Variants in PLCB1 observed in about 807,000 individuals in gnomAD.
The protein encoded by PLCB1 is 1-phosphatidylinositol 4,5-bisphosphate phosphodiesterase beta-1.
In PLCB1, 46 loss-of-function variants were observed where a neutral mutation model predicts 161.8. The observed-to-expected ratio is 0.28, with a 90% CI of 0.22 to 0.36. The LOEUF (loss-of-function observed/expected upper bound fraction) is 0.36, where lower values mean the gene tolerates loss of function less well. Among genes scored for constraint, PLCB1 ranks in the 10% least tolerant of loss-of-function variants. PLCB1 has a pLI of 1.00. For missense variants in PLCB1, 1,016 were observed against 1,472.5 expected (o/e 0.69, Z 5.07); for synonymous variants, 517 against 503.7 (o/e 1.03, Z -0.35).
chr20:8,186,104 G>A (rs6055614), intron 2 of PLCB1, among the ~76,000 whole-genome samples: 58,036 of 151,856 alleles, frequency 0.38, 12,672 homozygotes, highest in African/African-American at 0.61. Context: ...TTTTTTTTGA[G>A]GTGGAAAAGG....
intron 31 of PLCB1, chr20:8,831,467 TATTA>T (rs1985977050): frequency 1.3e-5 from 2 of 152,218 alleles, no homozygotes; most frequent in Non-Finnish European, 2.9e-5. Flanking sequence ...TATTTTACTG[TATTA>T]ATTGATTAAT....
chr20:8,786,959 C>T (rs933830801), intron 27 of PLCB1, among the ~76,000 whole-genome samples: 3 of 152,106 alleles, frequency 2.0e-5, no homozygotes, highest in African/African-American at 7.2e-5. Context: ...CCTGCCTCGG[C>T]CTCCCAAAGT....
chr20:8,873,106 C>T (rs914807274), intron 31 of PLCB1, among the ~76,000 whole-genome samples: 4 of 152,108 alleles, frequency 2.6e-5, no homozygotes, highest in African/African-American at 9.7e-5. Flanking sequence ...TCTAAGGAAA[C>T]TTAGTGGAAA....
chr20:8,235,942 G>A (rs1052180255), intron 2 of PLCB1, among the ~76,000 whole-genome samples: 1 of 152,052 alleles, frequency 6.6e-6, no homozygotes, highest in African/African-American at 2.4e-5. Context: ...GCAATCCAAA[G>A]TAGTTTTAAA....
At chr20:8,170,719 G>A (rs1373873345) in intron 2 of PLCB1, among the ~76,000 whole-genome samples, 2 of 152,100 alleles carry the variant, frequency 1.3e-5, no homozygotes, top group African/African-American at 2.4e-5. Flanking sequence ...AGAAAAGACT[G>A]AGCCTAGGAA....
intron 3 of PLCB1, among the ~76,000 whole-genome samples, chr20:8,583,783 T>C (rs1332711508): frequency 6.6e-6 from 1 of 152,230 alleles, no homozygotes; most frequent in African/African-American, 2.4e-5. Context: ...AAAATTCCAG[T>C]GTATTAGCAT....
At chr20:8,328,379 G>T (rs1985236786) in intron 2 of PLCB1, among the ~76,000 whole-genome samples, 1 of 152,140 alleles carries the variant, frequency 6.6e-6, no homozygotes, top group South Asian at 2.1e-4. Flanking sequence ...GGAGGCAGAT[G>T]CTGGAGTTGC....
rs112985542 is a variant in PLCB1 at position 8,820,647 on chromosome 20, A to C, written c.3423+30386A>C. 1.8e-3 allele frequency among the ~76,000 whole-genome samples: 280 copies of C among 152,324 alleles called. 1 individual carries two copies. Among genetic ancestry groups the C allele is most frequent in the Non-Finnish European group, 2.0e-3 (137 of 68,018 alleles). On this transcript the variant is annotated intron_variant, in intron 31 of 31. Transcript: ENST00000338037. The stretch of plus-strand genomic sequence containing the variant: ...ATCAAGGTAGAAACTCCCTAGAGAA[A>C]TTGTAGCATATGTGTATCAGGAGCG...
chr20:8,631,334 C>T (rs1272765180), intron 4 of PLCB1, among the ~76,000 whole-genome samples: 1 of 152,142 alleles, frequency 6.6e-6, no homozygotes, highest in Non-Finnish European at 1.5e-5. Context: ...CTAAAAGGAG[C>T]TGCAAAATCC....
At chr20:8,233,526 A>G (rs1178559068) in intron 2 of PLCB1, among the ~76,000 whole-genome samples, 1 of 152,136 alleles carries the variant, frequency 6.6e-6, no homozygotes, top group African/African-American at 2.4e-5. Context: ...TAAGTTGATT[A>G]TTTTTTTCTT....
intron 31 of PLCB1, among the ~76,000 whole-genome samples, chr20:8,878,081 G>T (rs748114348): frequency 7.2e-5 from 11 of 152,062 alleles, no homozygotes; most frequent in Non-Finnish European, 2.9e-5. Context: ...TACTTCTTTT[G>T]TTAATAATTA....
intron 11 of PLCB1, among the ~76,000 whole-genome samples, chr20:8,701,058 T>A (rs1186215473): frequency 6.6e-6 from 1 of 152,184 alleles, no homozygotes; most frequent in Non-Finnish European, 1.5e-5. Context: ...CACTAGAGAG[T>A]GAGTGTCTCT....
chr20:8,525,107 CT>C (rs1037484716), intron 3 of PLCB1, among the ~76,000 whole-genome samples: 55 of 152,068 alleles, frequency 3.6e-4, no homozygotes, highest in African/African-American at 1.2e-3. Context: ...TTTACAAAGC[CT>C]TCCAATGTCC....
At chr20:8,738,471 T>A (rs1475699528) in intron 20 of PLCB1, among the ~76,000 whole-genome samples, 1 of 152,108 alleles carries the variant, frequency 6.6e-6, no homozygotes, top group Non-Finnish European at 1.5e-5. Context: ...GGGTGCAGCG[T>A]ACCAGCATGG....
At chr20:8,805,954 C>T (rs1324266628) in intron 31 of PLCB1, among the ~76,000 whole-genome samples, 1 of 152,142 alleles carries the variant, frequency 6.6e-6, no homozygotes. Flanking sequence ...GGGATACACA[C>T]CACACATGTA....
At chr20:8,861,594 G>C (rs1987255391) in intron 31 of PLCB1, among the ~76,000 whole-genome samples, 1 of 152,066 alleles carries the variant, frequency 6.6e-6, no homozygotes, top group South Asian at 2.1e-4. Context: ...GCTGGGCATG[G>C]TGGCGCGCGC....
intron 3 of PLCB1, among the ~76,000 whole-genome samples, chr20:8,592,598 T>C (rs1987183383): frequency 6.6e-6 from 1 of 152,200 alleles, no homozygotes; most frequent in Non-Finnish European, 1.5e-5. Context: ...GGGTCTTTTT[T>C]TCCCCTTGGA....
intron 3 of PLCB1, among the ~76,000 whole-genome samples, chr20:8,529,046 A>C (rs1984696062): frequency 6.7e-6 from 1 of 149,772 alleles, no homozygotes; most frequent in Non-Finnish European, 1.5e-5. Context: ...TCAGTATCAG[A>C]TGTTTATCAT....
At chr20:8,603,847 A>G (rs1461541367) in intron 3 of PLCB1, among the ~76,000 whole-genome samples, 1 of 152,192 alleles carries the variant, frequency 6.6e-6, no homozygotes, top group Non-Finnish European at 1.5e-5. Flanking sequence ...CAACTGCTTA[A>G]TGGGTACAGA....
Sources: gnomAD v4.1 joint callset for allele counts (sites outside exome capture counted in the v4.1 genomes callset) on GRCh38, gnomAD v4.1.1 for gene constraint, MANE v1.5 for transcripts, NCBI Gene and HGNC (gene_info 2026-07-23, HGNC 2026-07-21) for gene names.